MARCHF11: variants seen among roughly 807,000 people sequenced by gnomAD.
MARCHF11 encodes membrane associated ring-CH-type finger 11, also known as E3 ubiquitin-protein ligase MARCHF11.
Under a neutral mutation model 37.3 loss-of-function variants are expected in MARCHF11, and 29 were observed. The observed-to-expected ratio is 0.78, with a 90% CI of 0.58 to 1.06. The LOEUF is 1.06. MARCHF11 is among the 50% of genes least tolerant of loss of function. The pLI, the probability that MARCHF11 is intolerant of heterozygous loss-of-function variation, is 0.00. For synonymous variants in MARCHF11, 233 were observed against 228.0 expected, an observed-to-expected ratio of 1.02 and a Z score of -0.20; for missense variants, 482 against 533.4, an observed-to-expected ratio of 0.90 and a Z score of 0.95.
chr5:16,113,542 A>G (rs1737182743), intron 2 of MARCHF11, among the ~76,000 whole-genome samples: 1 of 152,200 alleles, frequency 6.6e-6, no homozygotes, highest in South Asian at 2.1e-4. Flanking sequence ...AACCACAATG[A>G]CTTTTGCAGG....
chr5:16,157,536 C>A (rs142919400), intron 2 of MARCHF11, among the ~76,000 whole-genome samples: 1 of 151,700 alleles, frequency 6.6e-6, no homozygotes, highest in African/African-American at 2.4e-5. Context: ...AGAAATGATA[C>A]GTCCATGATT....
rs79805022 is a variant in MARCHF11 at position 16,165,173 on chromosome 5, A to C, written c.693+12553T>G. Among the ~76,000 whole-genome samples the C allele has an allele frequency of 3.2e-3, 483 of 152,144 alleles. 5 individuals carry two copies. Among genetic ancestry groups the C allele is most frequent in the African/African-American group, 0.011 (460 of 41,534 alleles). On this transcript the variant is annotated intron_variant, in intron 2 of 3. Transcript: ENST00000332432. ...AGGATCATCATCAACCTTTAGGTCT[A>C]ATCTCAGACGTCACCTCCTCAGACT... is the stretch of plus-strand genomic sequence containing the variant.
intron 2 of MARCHF11, among the ~76,000 whole-genome samples, chr5:16,143,746 G>T (rs536412861): frequency 6.6e-6 from 1 of 152,208 alleles, no homozygotes; most frequent in Non-Finnish European, 1.5e-5. Context: ...AGAAATTTTT[G>T]TCTGGGTCCT....
At chr5:16,083,422 T>A (rs1484297824) in intron 3 of MARCHF11, among the ~76,000 whole-genome samples, 3 of 152,216 alleles carry the variant, frequency 2.0e-5, no homozygotes. Flanking sequence ...TTCATAAATA[T>A]TTTACAGCTT....
intron 2 of MARCHF11, among the ~76,000 whole-genome samples, chr5:16,161,928 G>A (rs1738084741): frequency 6.6e-6 from 1 of 151,918 alleles, no homozygotes; most frequent in African/African-American, 2.4e-5. Context: ...GAAACTGTGG[G>A]CTTTTAACAG....
Position 16,163,780 on chromosome 5 carries a change from C to A in MARCHF11, c.693+13946G>T, listed in dbSNP as rs921866324. Among the ~76,000 whole-genome samples the A allele has an allele frequency of 2.6e-5, 4 of 152,006 alleles. No individual in the cohort carries two copies. The South Asian group carries it at 6.2e-4, about 24-fold the overall frequency. On this transcript the variant is annotated intron_variant, in intron 2 of 3. Transcript: ENST00000332432. ...TTAAAACTTAATCATCAATGTGATA[C>A]TATTAAGACGTGGAGCTTTAAGAGG...
At chr5:16,107,365 A>G (rs1256763621) in intron 2 of MARCHF11, among the ~76,000 whole-genome samples, 2 of 151,862 alleles carry the variant, frequency 1.3e-5, no homozygotes, top group East Asian at 3.9e-4. Flanking sequence ...TTACCATATG[A>G]TTGCTTTTTA....
intron 2 of MARCHF11, among the ~76,000 whole-genome samples, chr5:16,142,213 T>G (rs942062407): frequency 6.6e-6 from 1 of 152,196 alleles, no homozygotes; most frequent in Non-Finnish European, 1.5e-5. Flanking sequence ...GTTGCACTTA[T>G]CATGTTTTAG....
intron 2 of MARCHF11, among the ~76,000 whole-genome samples, chr5:16,171,925 T>C (rs1211126850): frequency 1.3e-5 from 2 of 152,162 alleles, no homozygotes; most frequent in African/African-American, 4.8e-5. Flanking sequence ...AAGAGGAAGG[T>C]GTCCAAAGGG....
At chr5:16,141,267 T>C (rs1328579636) in intron 2 of MARCHF11, 2 of 152,106 alleles carry the variant, frequency 1.3e-5, no homozygotes, top group African/African-American at 4.8e-5. Context: ...ATTTACTGAG[T>C]GTCTCTGTGG....
chr5:16,158,551 G>A (rs984509061), intron 2 of MARCHF11, among the ~76,000 whole-genome samples: 2 of 151,938 alleles, frequency 1.3e-5, no homozygotes, highest in Non-Finnish European at 2.9e-5. Context: ...TCAAACACAT[G>A]AAGCAGAGGG....
At chr5:16,119,074 G>T (rs1216644167) in intron 2 of MARCHF11, among the ~76,000 whole-genome samples, 1 of 152,054 alleles carries the variant, frequency 6.6e-6, no homozygotes, top group African/African-American at 2.4e-5. Context: ...AAGAGTCAAG[G>T]AAGAGTGACA....
At chr5:16,163,172 C>T (rs1738113465) in intron 2 of MARCHF11, among the ~76,000 whole-genome samples, 1 of 129,138 alleles carries the variant, frequency 7.7e-6, no homozygotes, top group South Asian at 3.0e-4. Flanking sequence ...GAAGAAGCAA[C>T]TGACTATGAA....
intron 2 of MARCHF11, among the ~76,000 whole-genome samples, chr5:16,123,741 G>C (rs933089515): frequency 1.3e-5 from 2 of 151,852 alleles, no homozygotes; most frequent in African/African-American, 4.8e-5. Context: ...CAGCATCTCC[G>C]ATCATCATAA....
rs3031633 is a variant in MARCHF11 at position 16,109,103 on chromosome 5, T to TACACACACAC, written c.694-18032_694-18023dup. ...CTTGGAGCATCTGTGACATAAGAAA[T>TACACACACAC]ACACACACACACACACACACACACA... On this transcript the variant is annotated intron_variant, in intron 2 of 3. Coordinates refer to ENST00000332432, the MANE Select transcript of MARCHF11 (RefSeq NM_001102562.3). Among the ~76,000 whole-genome samples, 476 of 141,406 alleles carry TACACACACAC rather than the reference T, an allele frequency of 3.4e-3. 6 individuals are homozygous for TACACACACAC. Among genetic ancestry groups the TACACACACAC allele is most frequent in the African/African-American group, 0.01 (391 of 38,282 alleles). 92.8% of individuals were successfully genotyped at this position (141,406 alleles called of 152,430 possible). A position where few individuals can be genotyped will look rare whatever the true frequency, so the allele number is the denominator to read the frequency against.
intron 2 of MARCHF11, among the ~76,000 whole-genome samples, chr5:16,142,721 C>G (rs1579408736): frequency 1.1e-5 from 1 of 91,908 alleles, no homozygotes; most frequent in East Asian, 3.1e-4. Flanking sequence ...GATGGAGTTT[C>G]GCTCTTGTTG....
At chr5:16,116,401 T>A (rs903211812) in intron 2 of MARCHF11, among the ~76,000 whole-genome samples, 1 of 152,178 alleles carries the variant, frequency 6.6e-6, no homozygotes, top group African/African-American at 2.4e-5. Flanking sequence ...ATTGCACAGT[T>A]TTCCATGCCT....
chr5:16,129,130 C>T (rs916772533), intron 2 of MARCHF11: 1 of 152,160 alleles, frequency 6.6e-6, no homozygotes, highest in Non-Finnish European at 1.5e-5. Context: ...TTCTACGTGG[C>T]AATCAGAACT....
At chr5:16,128,507 TG>T (rs1253252493) in intron 2 of MARCHF11, among the ~76,000 whole-genome samples, 2 of 151,858 alleles carry the variant, frequency 1.3e-5, no homozygotes, top group Non-Finnish European at 2.9e-5. Flanking sequence ...CAGAAATAGA[TG>T]GGGAAGGGTT....
Sources: gnomAD v4.1 joint callset for allele counts (sites outside exome capture counted in the v4.1 genomes callset) on GRCh38, gnomAD v4.1.1 for gene constraint, MANE v1.5 for transcripts, NCBI Gene and HGNC (gene_info 2026-07-23, HGNC 2026-07-21) for gene names.